Variants in LRRTM4 observed in about 807,000 individuals in gnomAD.
LRRTM4 encodes leucine-rich repeat transmembrane neuronal protein 4.
A neutral mutation model predicts 47.6 loss-of-function variants in LRRTM4; 25 were observed. That is an observed-to-expected ratio of 0.53 (90% CI 0.38 to 0.73). The LOEUF is 0.73. Ranked by LOEUF, LRRTM4 falls within the 30% of genes least tolerant of loss-of-function variation. LRRTM4 has a pLI of 0.00. For synonymous variants in LRRTM4, 311 were observed against 269.5 expected (o/e 1.15, Z -1.51); for missense variants, 638 against 713.4 (o/e 0.89, Z 1.20).
At chr2:77,288,748 C>G (rs1676733042) in intron 3 of LRRTM4, among the ~76,000 whole-genome samples, 1 of 152,008 alleles carries the variant, frequency 6.6e-6, no homozygotes. Context: ...GAAATAAATA[C>G]TATGATATGT....
intron 3 of LRRTM4, among the ~76,000 whole-genome samples, chr2:76,967,264 C>G (rs1676058734): frequency 6.6e-6 from 1 of 150,928 alleles, no homozygotes; most frequent in Non-Finnish European, 1.5e-5. Context: ...CATGCTCAAT[C>G]AGTCAGAAAG....
chr2:77,123,550 T>C (rs577941096), intron 3 of LRRTM4, among the ~76,000 whole-genome samples: 5 of 152,194 alleles, frequency 3.3e-5, no homozygotes, highest in African/African-American at 1.2e-4. Context: ...AAAACCAATA[T>C]ATAATCTTGG....
chr2:76,770,538 A>G (rs1254268973), intron 3 of LRRTM4, among the ~76,000 whole-genome samples: 2 of 152,144 alleles, frequency 1.3e-5, no homozygotes, highest in East Asian at 3.9e-4. Context: ...TCTCTATTTA[A>G]ATGTTTGTTA....
intron 3 of LRRTM4, among the ~76,000 whole-genome samples, chr2:77,160,888 C>T (rs1345346096): frequency 6.6e-6 from 1 of 152,166 alleles, no homozygotes; most frequent in Admixed American, 6.5e-5. Flanking sequence ...ATTGCTTGCA[C>T]ATAGTCATTA....
chr2:77,194,591 G>T (rs1276428176), intron 3 of LRRTM4, among the ~76,000 whole-genome samples: 1 of 152,134 alleles, frequency 6.6e-6, no homozygotes, highest in African/African-American at 2.4e-5. Context: ...ATTCTTAAGA[G>T]CTTGCTGGTA....
At chr2:77,250,631 A>G (rs913172205) in intron 3 of LRRTM4, among the ~76,000 whole-genome samples, 4 of 152,226 alleles carry the variant, frequency 2.6e-5, no homozygotes, top group Non-Finnish European at 4.4e-5. Context: ...AAAGTAAAAT[A>G]TGAACACAAA....
intron 3 of LRRTM4, among the ~76,000 whole-genome samples, chr2:76,948,664 C>T (rs755023828): frequency 3.3e-5 from 5 of 151,550 alleles, no homozygotes; most frequent in Non-Finnish European, 5.9e-5. Flanking sequence ...TATATTGCTG[C>T]GCCACTGAAT....
intron 3 of LRRTM4, among the ~76,000 whole-genome samples, chr2:77,166,888 A>C (rs1317477109): frequency 6.6e-6 from 1 of 152,220 alleles, no homozygotes; most frequent in East Asian, 1.9e-4. Flanking sequence ...TTCAGGACAT[A>C]GGCATGGGCA....
intron 3 of LRRTM4, among the ~76,000 whole-genome samples, chr2:77,322,841 C>T (rs947322925): frequency 4.0e-5 from 6 of 150,674 alleles, no homozygotes; most frequent in African/African-American, 1.5e-4. Flanking sequence ...CTCTCTCTCT[C>T]TCTCTCTCTT....
intron 3 of LRRTM4, among the ~76,000 whole-genome samples, chr2:77,007,536 A>G (rs1248601147): frequency 6.6e-6 from 1 of 152,202 alleles, no homozygotes; most frequent in Non-Finnish European, 1.5e-5. Context: ...AGGAAAAATT[A>G]ATTACAAGGT....
chr2:76,781,057 C>G (rs1674356163), intron 3 of LRRTM4, among the ~76,000 whole-genome samples: 1 of 151,120 alleles, frequency 6.6e-6, no homozygotes, highest in African/African-American at 2.4e-5. Flanking sequence ...GGGGTGCCTC[C>G]CAGTTAGGCT....
Position 76,748,828 on chromosome 2 carries a change from GT to G in LRRTM4, c.1639del (p.Thr547ProfsTer39), listed in dbSNP as rs770711725. ...YCQAHQPLHV[T>X]KGYETVSPEQ... ...TGGAGACACTGTCTCATAGCCCTTGGTGACATGGAGTGGCTGGTGGGCCTGG... is the reference window on the plus strand; with the variant it reads ...TGGAGACACTGTCTCATAGCCCTTGGGACATGGAGTGGCTGGTGGGCCTGG... On this transcript the variant is annotated frameshift_variant, in exon 4 of 4. Coordinates refer to ENST00000409884, the MANE Select transcript of LRRTM4 (RefSeq NM_001134745.3). LOFTEE classifies it high-confidence loss of function. 9 of 1,614,050 alleles carry G rather than the reference GT, an allele frequency of 5.6e-6. No individual in the cohort carries two copies. The highest frequency in any genetic ancestry group is 1.7e-4 in the Middle Eastern group (1 of 6,060).
At chr2:77,265,307 AAC>A (rs1318900520) in intron 3 of LRRTM4, among the ~76,000 whole-genome samples, 1 of 152,082 alleles carries the variant, frequency 6.6e-6, no homozygotes, top group Non-Finnish European at 1.5e-5. Flanking sequence ...TCCCCAATAC[AAC>A]AGTGTTGATA....
At chr2:77,484,131 A>G (rs2204914) in intron 3 of LRRTM4, among the ~76,000 whole-genome samples, 50,159 of 152,080 alleles carry the variant, frequency 0.33, 8,472 homozygotes, top group Non-Finnish European at 0.35. Context: ...AGACACACAC[A>G]ATACTGGTCA....
chr2:77,369,756 A>G (rs937495434), intron 3 of LRRTM4, among the ~76,000 whole-genome samples: 2 of 151,832 alleles, frequency 1.3e-5, no homozygotes, highest in African/African-American at 4.8e-5. Flanking sequence ...TATATGGTAT[A>G]CCTATTACTC....
At chr2:76,855,841 C>T (rs190678034) in intron 3 of LRRTM4, among the ~76,000 whole-genome samples, 4 of 152,078 alleles carry the variant, frequency 2.6e-5, no homozygotes, top group Admixed American at 6.6e-5. Context: ...GCACAAATAA[C>T]GCTGTTATTG....
chr2:77,242,845 T>C (rs552717917), intron 3 of LRRTM4, among the ~76,000 whole-genome samples: 4 of 152,290 alleles, frequency 2.6e-5, no homozygotes, highest in African/African-American at 7.2e-5. Context: ...AGAATTACCC[T>C]ATAATCCAAG....
chr2:77,376,510 C>A (rs1314080570), intron 3 of LRRTM4, among the ~76,000 whole-genome samples: 2 of 150,490 alleles, frequency 1.3e-5, no homozygotes, highest in African/African-American at 4.9e-5. Context: ...ATCCTGTAAT[C>A]TGTGACAGTT....
intron 3 of LRRTM4, among the ~76,000 whole-genome samples, chr2:77,470,304 G>A (rs1364168529): frequency 1.3e-5 from 2 of 152,154 alleles, no homozygotes. Context: ...CATATGGACA[G>A]GCAGATGGAT....
Sources: allele counts gnomAD v4.1 joint callset (sites outside exome capture counted in the v4.1 genomes callset), GRCh38; gene constraint gnomAD v4.1.1; transcripts MANE v1.5; gene names NCBI Gene and HGNC (gene_info 2026-07-23, HGNC 2026-07-21).